Variants in ARHGAP1 observed in about 807,000 individuals in gnomAD.
ARHGAP1 encodes the protein Rho GTPase activating protein 1, also known as rho GTPase-activating protein 1.
Under a neutral mutation model 52.2 loss-of-function variants are expected in ARHGAP1, and 23 were observed. The ratio of observed to expected loss-of-function variants is 0.44; its 90% CI spans 0.32 to 0.62. The LOEUF is 0.62. ARHGAP1 is among the 20% of genes least tolerant of loss of function. ARHGAP1 has a pLI of 0.05. For synonymous variants in ARHGAP1, 210 were observed against 228.4 expected, an observed-to-expected ratio of 0.92 and a Z score of 0.73; for missense variants, 480 against 560.9, an observed-to-expected ratio of 0.86 and a Z score of 1.46.
intron 4 of ARHGAP1, among the ~76,000 whole-genome samples, chr11:46,685,973 C>CA (rs2064565404): frequency 8.1e-6 from 1 of 123,240 alleles, no homozygotes; most frequent in Non-Finnish European, 1.7e-5. Context: ...CGTACCCGGA[C>CA]TTTTTTTTTT....
chr11:46,684,978 C>T (rs896713618), intron 4 of ARHGAP1, among the ~76,000 whole-genome samples: 4 of 151,518 alleles, frequency 2.6e-5, no homozygotes, highest in Non-Finnish European at 5.9e-5. Flanking sequence ...ATCCCAGCTA[C>T]TCGGGAGGCT....
Position 46,680,148 on chromosome 11 carries a change from G to A in ARHGAP1, c.898+57C>T. 1 of 1,558,874 alleles carries A rather than the reference G, an allele frequency of 6.4e-7. No individual in the cohort carries two copies. The highest frequency in any genetic ancestry group is 1.1e-5 in the South Asian group (1 of 89,970). ...CTCATTTACAGGGCAGCAGAGGGCAGAGAAGCCCCCTACCAGTAACACACA... is the reference window on the plus strand; with the variant it reads ...CTCATTTACAGGGCAGCAGAGGGCAAAGAAGCCCCCTACCAGTAACACACA... On this transcript the variant is annotated intron_variant, in intron 10 of 12. Transcript: ENST00000311956. The surrounding 1 kb of genome is among the most constrained non-coding windows in gnomAD (Gnocchi z 5.9).
Position 46,679,305 on chromosome 11 carries a change from G to C in ARHGAP1, c.1131+60C>G. Reference sequence around the variant, plus strand: ...CCAGCAACAATGACCAGGGCGCAGAGGAGGCGGCAGCTCCTCCTTCCCCCT... The same window carrying C: ...CCAGCAACAATGACCAGGGCGCAGACGAGGCGGCAGCTCCTCCTTCCCCCT... On this transcript the variant is annotated intron_variant, in intron 12 of 12. Transcript: ENST00000311956. The surrounding 1 kb of genome is among the most constrained non-coding windows in gnomAD (Gnocchi z 4.4). The C allele has an allele frequency of 6.2e-7, 1 of 1,605,860 alleles. No individual in the cohort carries two copies. Among genetic ancestry groups the C allele is most frequent in the Non-Finnish European group, 8.5e-7 (1 of 1,173,704 alleles).
At chr11:46,682,490 C>T (rs2064536744) in intron 4 of ARHGAP1, among the ~76,000 whole-genome samples, 1 of 152,218 alleles carries the variant, frequency 6.6e-6, no homozygotes, top group Non-Finnish European at 1.5e-5. Flanking sequence ...TCAAGACCAG[C>T]CTGGCCAACA....
rs1415523915 is a variant in ARHGAP1, at chr11:46,678,715, G to C, written c.*322C>G. On this transcript the variant is annotated 3_prime_UTR_variant, in exon 13 of 13. Transcript: ENST00000311956. ...TCATTTGATTCATCCACACTTGCTA[G>C]GGAAACAGAGGCAGGAAAAAGCAGG... 1 of 324,286 alleles carries C rather than the reference G, an allele frequency of 3.1e-6. No individual in the cohort carries two copies. The highest frequency in any genetic ancestry group is 2.2e-5 in the African/African-American group (1 of 45,638). The allele number at this position is 324,286 out of a possible 1,614,324, so 20.1% of individuals were successfully genotyped here. A position where few individuals can be genotyped will look rare whatever the true frequency, so the allele number is the denominator to read the frequency against.
chr11:46,699,893 C>CG (rs970320672), intron 1 of ARHGAP1, among the ~76,000 whole-genome samples: 5 of 151,506 alleles, frequency 3.3e-5, no homozygotes, highest in Admixed American at 2.6e-4. Context: ...GAACTGAGGC[C>CG]GGGCGCAGTG....
Position 46,679,987 on chromosome 11 carries a change from C to T in ARHGAP1, c.899-211G>A, listed in dbSNP as rs1171757578. 1.3e-5 allele frequency among the ~76,000 whole-genome samples: 2 copies of T among 152,084 alleles called. No individual in the cohort carries two copies. Among genetic ancestry groups the T allele is most frequent in the Admixed American group, 6.5e-5 (1 of 15,270 alleles). On this transcript the variant is annotated intron_variant, in intron 10 of 12. Transcript: ENST00000311956. This position sits in a 1 kb window ranked among gnomAD's most constrained non-coding sequence, Gnocchi z 4.4. ...GGAAGTGGGGCCCGGCACACCCCAC[C>T]GTTATTCCTTGCCTCTGAATGTGCC... is the stretch of plus-strand genomic sequence containing the variant.
rs1190680253 is a variant in ARHGAP1, at chr11:46,678,061, G to A, written c.*976C>T. ...TCTGCCCCTCCTACGGGCACTCTTA[G>A]TCTCTACCCCAGCCCCTTTAAGAGT... On this transcript the variant is annotated 3_prime_UTR_variant, in exon 13 of 13. Transcript: ENST00000311956. 2 of 350,460 alleles carry A rather than the reference G, an allele frequency of 5.7e-6. No homozygotes were observed. The highest frequency in any genetic ancestry group is 2.2e-5 in the African/African-American group (1 of 44,714). The allele number at this position is 350,460 out of a possible 1,614,324, so 21.7% of individuals were successfully genotyped here.
rs749239471 is a variant in ARHGAP1, at chr11:46,696,235, C to T, written c.-49-79G>A. On this transcript the variant is annotated intron_variant, in intron 1 of 12. Transcript: ENST00000311956. The surrounding 1 kb of genome is among the most constrained non-coding windows in gnomAD (Gnocchi z 4.8). ...GCGACCTCCACCGCGTGCCCTCCTG[C>T]CCCCACCATTCCCTCTCCCAGGCTC... 9.3e-6 allele frequency: 9 copies of T among 962,924 alleles called. No individual in the cohort carries two copies. Among genetic ancestry groups the T allele is most frequent in the East Asian group, 5.3e-5 (2 of 37,776 alleles). The allele number at this position is 962,924 out of a possible 1,614,324, so 59.6% of individuals were successfully genotyped here.
intron 3 of ARHGAP1, among the ~76,000 whole-genome samples, chr11:46,692,770 C>A (rs1451861883): frequency 2.0e-5 from 3 of 152,192 alleles, no homozygotes; most frequent in Admixed American, 6.5e-5. Flanking sequence ...TCACTGCAAC[C>A]TCTACCTCCT....
intron 3 of ARHGAP1, among the ~76,000 whole-genome samples, chr11:46,689,572 A>G (rs2064595990): frequency 6.6e-6 from 1 of 151,842 alleles, no homozygotes; most frequent in South Asian, 2.1e-4. Flanking sequence ...ATGGAGTCTC[A>G]CTCTGTCACC....
chr11:46,681,445 G>C lies in ARHGAP1; in HGVS notation c.450-66C>G, dbSNP rs1392808460. 2 of 1,229,834 alleles carry C rather than the reference G, an allele frequency of 1.6e-6. No homozygotes were observed. The highest frequency in any genetic ancestry group is 4.7e-5 in the East Asian group (2 of 42,988). The allele number at this position is 1,229,834 out of a possible 1,614,324, so 76.2% of individuals were successfully genotyped here. ...GGACAGGTGCCACGCTAGGGTCCCA[G>C]TGCATACTTTTTTTTTTTGAGACAG... On this transcript the variant is annotated intron_variant, in intron 5 of 12. Coordinates refer to ENST00000311956, the MANE Select transcript of ARHGAP1 (RefSeq NM_004308.5). This position sits in a 1 kb window ranked among gnomAD's most constrained non-coding sequence, Gnocchi z 5.7.
At chr11:46,693,407 CTTTT>C (rs11418068) in intron 3 of ARHGAP1, among the ~76,000 whole-genome samples, 1 of 145,618 alleles carries the variant, frequency 6.9e-6, no homozygotes, top group Non-Finnish European at 1.5e-5. Flanking sequence ...AGACTGTAAT[CTTTT>C]TTTTTTTTCT....
At chr11:46,686,006 C>G (rs1170566233) in intron 4 of ARHGAP1, among the ~76,000 whole-genome samples, 1 of 146,414 alleles carries the variant, frequency 6.8e-6, no homozygotes, top group Non-Finnish European at 1.5e-5. Context: ...GAGTTTCGCT[C>G]TGTCACCCAG....
At position 46,692,125 on chromosome 11, in the gene ARHGAP1, G is replaced by A. The variant is rs138701634; in HGVS notation, c.229+3535C>T. Among the ~76,000 whole-genome samples, 11 of 152,288 alleles carry A rather than the reference G, an allele frequency of 7.2e-5. No homozygotes were observed. The East Asian group carries it at 2.1e-3, about 29-fold the overall frequency. On this transcript the variant is annotated intron_variant, in intron 3 of 12. Coordinates refer to ENST00000311956, the MANE Select transcript of ARHGAP1 (RefSeq NM_004308.5). ...TGCTGAGATCCCGGAGGCCAGCTGG[G>A]GGTGGCTCTGGGGCTATGTGCCTGC...
chr11:46,692,959 TCTC>T (rs1404942966), intron 3 of ARHGAP1, among the ~76,000 whole-genome samples: 1 of 151,958 alleles, frequency 6.6e-6, no homozygotes, highest in African/African-American at 2.4e-5. Context: ...TTCACGCTAT[TCTC>T]CTGCCTCAGG....
chr11:46,679,456 C>G lies in ARHGAP1; in HGVS notation c.1040G>C (p.Ser347Thr). Residue 347 changes from serine (S) to threonine (T), a missense_variant, in exon 12 of 13, where the codon AGC becomes ACC. Transcript: ENST00000311956. The surrounding 1 kb of genome is among the most constrained non-coding windows in gnomAD (Gnocchi z 4.4). ...CTGCAGTGTCGCTGGCACCCTCTGGCTTTCATCAATGTCTATGAGGAAAGG... is the reference window on the plus strand; with the variant it reads ...CTGCAGTGTCGCTGGCACCCTCTGGGTTTCATCAATGTCTATGAGGAAAGG... Reference protein sequence around the residue: ...HVVGFLNIDESQRVPATLQVL... With the variant: ...HVVGFLNIDETQRVPATLQVL... 3 of 1,614,196 alleles carry G rather than the reference C, an allele frequency of 1.9e-6. No homozygotes were observed. The highest frequency in any genetic ancestry group is 2.5e-6 in the Non-Finnish European group (3 of 1,180,028).
chr11:46,679,978 A>ACT lies in ARHGAP1; in HGVS notation c.899-203_899-202insAG. 1 of 1,039,682 alleles carries ACT rather than the reference A, an allele frequency of 9.6e-7. No homozygotes were observed. Among genetic ancestry groups the ACT allele is most frequent in the Non-Finnish European group, 1.4e-6 (1 of 730,034 alleles). The allele number at this position is 1,039,682 out of a possible 1,614,324, so 64.4% of individuals were successfully genotyped here. ...GCCATCTGGGGAAGTGGGGCCCGGC[A>ACT]CACCCCACCGTTATTCCTTGCCTCT... On this transcript the variant is annotated intron_variant, in intron 10 of 12. Transcript: ENST00000311956. This position sits in a 1 kb window ranked among gnomAD's most constrained non-coding sequence, Gnocchi z 4.4.
intron 1 of ARHGAP1, chr11:46,697,141 C>T (rs2064662354): frequency 6.5e-6 from 1 of 152,746 alleles, no homozygotes; most frequent in Non-Finnish European, 1.5e-5. Context: ...GAGGAGGTCA[C>T]CAGCAGAACA....
Sources: gnomAD v4.1 joint callset for allele counts (sites outside exome capture counted in the v4.1 genomes callset) on GRCh38, gnomAD v4.1.1 for gene constraint, Gnocchi (gnomAD v3.1) non-coding constraint, MANE v1.5 for transcripts, NCBI Gene and HGNC (gene_info 2026-07-23, HGNC 2026-07-21) for gene names.